B3GALT1: variants seen among roughly 807,000 people sequenced by gnomAD.
The protein encoded by B3GALT1 is beta-1,3-galactosyltransferase 1.
B3GALT1 carries 10 observed loss-of-function variants against 23.2 expected under a neutral mutation model. The ratio of observed to expected loss-of-function variants is 0.43; its 90% CI spans 0.27 to 0.73. B3GALT1 has a LOEUF of 0.73. B3GALT1 is among the 30% of genes least tolerant of loss of function. B3GALT1 has a pLI of 0.21. For missense variants in B3GALT1, 299 were observed against 405.4 expected (o/e 0.74, Z 2.25); for synonymous variants, 156 against 141.5 (o/e 1.10, Z -0.73).
At chr2:167,304,236 A>G (rs1696510866) in intron 1 of B3GALT1, among the ~76,000 whole-genome samples, 1 of 152,164 alleles carries the variant, frequency 6.6e-6, no homozygotes, top group Non-Finnish European at 1.5e-5. Flanking sequence ...TAAGTCGTTT[A>G]TGCAGCACTT....
At chr2:167,527,097 A>G (rs1403975492) in intron 2 of B3GALT1, among the ~76,000 whole-genome samples, 1 of 152,118 alleles carries the variant, frequency 6.6e-6, no homozygotes, top group African/African-American at 2.4e-5. Context: ...ATTTAATCAT[A>G]TCCTATGATA....
At chr2:167,653,643 A>G (rs959735858) in intron 3 of B3GALT1, among the ~76,000 whole-genome samples, 41 of 152,116 alleles carry the variant, frequency 2.7e-4, no homozygotes, top group Admixed American at 2.5e-3. Context: ...TTTACAGGAG[A>G]TGTTGCAGGC....
At chr2:167,308,013 C>A (rs1439473845) in intron 1 of B3GALT1, among the ~76,000 whole-genome samples, 1 of 151,946 alleles carries the variant, frequency 6.6e-6, no homozygotes, top group African/African-American at 2.4e-5. Context: ...AAAATAGTTG[C>A]TATCCCATCA....
intron 2 of B3GALT1, among the ~76,000 whole-genome samples, chr2:167,548,716 G>GTGTA (rs1328519962): frequency 1.3e-5 from 2 of 150,544 alleles, no homozygotes; most frequent in Non-Finnish European, 3.0e-5. Flanking sequence ...GTGTGTGTGT[G>GTGTA]TATGTGTGTG....
At chr2:167,818,342 G>A (rs836721) in intron 3 of B3GALT1, among the ~76,000 whole-genome samples, 37,348 of 152,020 alleles carry the variant, frequency 0.25, 5,056 homozygotes, top group East Asian at 0.56. Context: ...GCCCCTTCAG[G>A]TGGGGCATGG....
At chr2:167,867,914 T>G (rs1690265555) in intron 4 of B3GALT1, among the ~76,000 whole-genome samples, 2 of 152,198 alleles carry the variant, frequency 1.3e-5, no homozygotes, top group African/African-American at 4.8e-5. Flanking sequence ...AGCTGAAGTC[T>G]CCATCACATC....
intron 2 of B3GALT1, among the ~76,000 whole-genome samples, chr2:167,553,918 A>T (rs1393492885): frequency 6.6e-6 from 1 of 152,204 alleles, no homozygotes; most frequent in African/African-American, 2.4e-5. Context: ...GCATAATTAT[A>T]TGGTACATTT....
At chr2:167,808,710 C>G (rs1426042677) in intron 3 of B3GALT1, among the ~76,000 whole-genome samples, 1 of 151,882 alleles carries the variant, frequency 6.6e-6, no homozygotes, top group African/African-American at 2.4e-5. Flanking sequence ...TCTGGCTGCC[C>G]TTAACATTTT....
At chr2:167,868,053 G>T (rs540605349) in intron 4 of B3GALT1, among the ~76,000 whole-genome samples, 1 of 152,322 alleles carries the variant, frequency 6.6e-6, no homozygotes, top group Admixed American at 6.5e-5. Flanking sequence ...GAACACATGG[G>T]TGAATGGTTG....
At chr2:167,784,402 C>T (rs1211080075) in intron 3 of B3GALT1, among the ~76,000 whole-genome samples, 1 of 152,118 alleles carries the variant, frequency 6.6e-6, no homozygotes, top group Non-Finnish European at 1.5e-5. Context: ...ATAGAGATCC[C>T]CAGGTGCTCC....
intron 1 of B3GALT1, among the ~76,000 whole-genome samples, chr2:167,420,582 A>G (rs752555712): frequency 2.6e-5 from 4 of 152,252 alleles, no homozygotes; most frequent in Admixed American, 2.6e-4. Flanking sequence ...TGAACACCTC[A>G]TGGTATAAGG....
At chr2:167,520,014 C>T (rs1159662009) in intron 2 of B3GALT1, among the ~76,000 whole-genome samples, 2 of 149,192 alleles carry the variant, frequency 1.3e-5, no homozygotes, top group African/African-American at 5.0e-5. Flanking sequence ...CACTGCACTG[C>T]AGCCTAGGTG....
intron 1 of B3GALT1, among the ~76,000 whole-genome samples, chr2:167,481,681 C>T (rs1699564869): frequency 6.6e-6 from 1 of 152,216 alleles, no homozygotes; most frequent in Non-Finnish European, 1.5e-5. Flanking sequence ...GAATTCCTCT[C>T]TGACCAAATG....
chr2:167,473,577 C>T (rs1356483747), intron 1 of B3GALT1, among the ~76,000 whole-genome samples: 1 of 152,068 alleles, frequency 6.6e-6, no homozygotes, highest in East Asian at 1.9e-4. Context: ...TTCCCAGACT[C>T]CCCCTGCCAC....
chr2:167,634,350 A>C (rs566308874), intron 2 of B3GALT1, among the ~76,000 whole-genome samples: 1 of 152,280 alleles, frequency 6.6e-6, no homozygotes, highest in South Asian at 2.1e-4. Flanking sequence ...AACTAAGATC[A>C]GACCAGAACT....
intron 2 of B3GALT1, among the ~76,000 whole-genome samples, chr2:167,579,997 A>G (rs891049364): frequency 4.6e-5 from 7 of 152,124 alleles, no homozygotes; most frequent in African/African-American, 1.7e-4. Context: ...AAATTGACAA[A>G]TTAGGTTAAT....
chr2:167,381,086 C>T (rs186202545), intron 1 of B3GALT1, among the ~76,000 whole-genome samples: 15 of 152,172 alleles, frequency 9.9e-5, no homozygotes, highest in Non-Finnish European at 1.9e-4. Flanking sequence ...TTTATTTGTT[C>T]AGACAGGGTT....
rs188963838 is a variant in B3GALT1, at chr2:167,556,164, C to T, written c.-410+65887C>T. Among the ~76,000 whole-genome samples the T allele has an allele frequency of 7.9e-4, 120 of 152,056 alleles. 2 individuals carry two copies. Among genetic ancestry groups the T allele is most frequent in the Admixed American group, 7.0e-3 (107 of 15,266 alleles). On this transcript the variant is annotated intron_variant, in intron 2 of 4. Transcript: ENST00000392690. ...GGACAGGTAATGAAAGGAAAGATCA[C>T]TCTATATGGAAGGATTCAACAACAT...
intron 1 of B3GALT1, among the ~76,000 whole-genome samples, chr2:167,447,999 C>G (rs1699027512): frequency 6.6e-6 from 1 of 152,148 alleles, no homozygotes; most frequent in South Asian, 2.1e-4. Context: ...CCTCCTGTAT[C>G]ACAATTTCTT....
Sources: allele counts gnomAD v4.1 joint callset (sites outside exome capture counted in the v4.1 genomes callset), GRCh38; gene constraint gnomAD v4.1.1; transcripts MANE v1.5; gene names NCBI Gene and HGNC (gene_info 2026-07-23, HGNC 2026-07-21).